NTRK2: variants seen among roughly 807,000 people sequenced by gnomAD.
The protein encoded by NTRK2 is neurotrophic receptor tyrosine kinase 2.
Under a neutral mutation model 94.5 loss-of-function variants are expected in NTRK2, and 13 were observed. That is an observed-to-expected ratio of 0.14 (90% CI 0.09 to 0.22). NTRK2 has a LOEUF of 0.22. NTRK2 is among the 10% of genes least tolerant of loss of function. NTRK2 has a pLI of 1.00. For missense variants in NTRK2, 639 were observed against 1,071.2 expected (o/e 0.60, Z 5.63); for synonymous variants, 372 against 407.4 (o/e 0.91, Z 1.05).
At chr9:84,811,345 C>G in intron 12 of NTRK2, 2 of 1,065,992 alleles carry the variant, frequency 1.9e-6, no homozygotes, top group Non-Finnish European at 2.3e-6. Context: ...AAAACAAGAA[C>G]AAGCAGCAAC....
At chr9:84,681,613 A>G (rs1342215200) in intron 2 of NTRK2, among the ~76,000 whole-genome samples, 1 of 152,126 alleles carries the variant, frequency 6.6e-6, no homozygotes. Context: ...TAAAAACAAT[A>G]TAATTCATGC....
Position 84,772,258 on chromosome 9 carries a change from A to AT in NTRK2, c.1396+20184dup, listed in dbSNP as rs534765823. ...CATTTACTTGTTCTCCCTATAAACAATTTTTTTTTTTGAGACAGAGTCTCA... is the reference window on the plus strand; with the variant it reads ...CATTTACTTGTTCTCCCTATAAACAATTTTTTTTTTTTGAGACAGAGTCTCA... On this transcript the variant is annotated intron_variant, in intron 12 of 18. Coordinates refer to ENST00000277120, the MANE Select transcript of NTRK2 (RefSeq NM_006180.6). Among the ~76,000 whole-genome samples, 777 of 149,244 alleles carry AT rather than the reference A, an allele frequency of 5.2e-3. 4 individuals carry two copies. Among genetic ancestry groups the AT allele is most frequent in the South Asian group, 0.015 (70 of 4,720 alleles).
At chr9:84,952,063 T>A (rs76436119) in intron 16 of NTRK2, among the ~76,000 whole-genome samples, 1 of 152,198 alleles carries the variant, frequency 6.6e-6, no homozygotes, top group Admixed American at 6.5e-5. Context: ...AAAAATAGAC[T>A]ACTATTTTTC....
At chr9:84,803,527 G>A (rs1158624856) in intron 12 of NTRK2, among the ~76,000 whole-genome samples, 1 of 152,136 alleles carries the variant, frequency 6.6e-6, no homozygotes, top group Admixed American at 6.5e-5. Flanking sequence ...GAGGCAATAA[G>A]GCAGCAGCAC....
chr9:84,813,077 T>C, intron 12 of NTRK2: 1 of 1,039,880 alleles, frequency 9.6e-7, no homozygotes, highest in Non-Finnish European at 1.2e-6. Flanking sequence ...TAGAGCTTCC[T>C]AATGCATGTG....
chr9:84,690,941 A>C lies in NTRK2; in HGVS notation c.213-11218A>C, dbSNP rs7041649. 5.4e-3 allele frequency among the ~76,000 whole-genome samples: 822 copies of C among 152,316 alleles called. 13 individuals carry two copies. Among genetic ancestry groups the C allele is most frequent in the African/African-American group, 0.019 (771 of 41,570 alleles). The stretch of plus-strand genomic sequence containing the variant: ...AATGAATGTTAAAAATGTCACAATC[A>C]GTTTTTCATCAGTATTTGAATAACT... On this transcript the variant is annotated intron_variant, in intron 2 of 18. Coordinates refer to ENST00000277120, the MANE Select transcript of NTRK2 (RefSeq NM_006180.6).
In NTRK2 at chr9:85,024,940, T is replaced by C. The variant is rs748338416; in HGVS notation, c.*3503T>C. ...GTTATAAATACTTGATTTATACATA[T>C]ACAAATGCACATACGTAGTGTGTTT... On this transcript the variant is annotated 3_prime_UTR_variant, in exon 19 of 19. Coordinates refer to ENST00000277120, the MANE Select transcript of NTRK2 (RefSeq NM_006180.6). 2.1e-5 allele frequency: 5 copies of C among 232,996 alleles called. No homozygotes were observed. Among genetic ancestry groups the C allele is most frequent in the Non-Finnish European group, 4.2e-5 (5 of 117,954 alleles). The allele number at this position is 232,996 out of a possible 1,614,324, so 14.4% of individuals were successfully genotyped here.
intron 12 of NTRK2, among the ~76,000 whole-genome samples, chr9:84,791,665 G>C (rs186987339): frequency 6.6e-6 from 1 of 152,156 alleles, no homozygotes. Flanking sequence ...TAGAAGTAAT[G>C]TTTTGTTATT....
intron 14 of NTRK2, among the ~76,000 whole-genome samples, chr9:84,868,514 G>A (rs2075699750): frequency 1.3e-5 from 2 of 152,212 alleles, no homozygotes; most frequent in East Asian, 3.8e-4. Flanking sequence ...AGTATTATGA[G>A]CTTTTAATGT....
chr9:84,806,547 C>T (rs1369310710), intron 12 of NTRK2, among the ~76,000 whole-genome samples: 1 of 152,112 alleles, frequency 6.6e-6, no homozygotes, highest in Non-Finnish European at 1.5e-5. Context: ...GATACCTTTG[C>T]CAAAGAGGGA....
intron 8 of NTRK2, among the ~76,000 whole-genome samples, chr9:84,725,978 T>G (rs1243446758): frequency 6.6e-6 from 1 of 152,146 alleles, no homozygotes; most frequent in Admixed American, 6.5e-5. Context: ...TTGGGTCCTT[T>G]TATCGGCTTT....
At chr9:84,800,713 A>G (rs1158525272) in intron 12 of NTRK2, among the ~76,000 whole-genome samples, 1 of 152,158 alleles carries the variant, frequency 6.6e-6, no homozygotes, top group Non-Finnish European at 1.5e-5. Context: ...ACAGAGTGAT[A>G]TCAGCAGCCA....
chr9:84,767,438 G>GAGC (rs763297659), intron 12 of NTRK2, among the ~76,000 whole-genome samples: 38 of 152,202 alleles, frequency 2.5e-4, no homozygotes, highest in Non-Finnish European at 4.3e-4. Context: ...AGAGAGAAAA[G>GAGC]AGCACTTGAT....
intron 17 of NTRK2, among the ~76,000 whole-genome samples, chr9:84,985,386 C>A (rs1828170753): frequency 6.6e-6 from 1 of 152,158 alleles, no homozygotes; most frequent in Admixed American, 6.5e-5. Flanking sequence ...ATAATATCTA[C>A]CCAAAAGTTC....
intron 12 of NTRK2, among the ~76,000 whole-genome samples, chr9:84,756,073 T>A (rs1196646630): frequency 6.6e-6 from 1 of 152,198 alleles, no homozygotes; most frequent in African/African-American, 2.4e-5. Context: ...ATATGTTTAA[T>A]ATGTATGAAT....
At chr9:84,709,997 G>A (rs1471365598) in intron 5 of NTRK2, among the ~76,000 whole-genome samples, 1 of 151,796 alleles carries the variant, frequency 6.6e-6, no homozygotes, top group African/African-American at 2.4e-5. Context: ...GTGTGTGTGT[G>A]TGTGTGTGAA....
chr9:84,672,962 A>T (rs2058793090), intron 2 of NTRK2, among the ~76,000 whole-genome samples: 1 of 152,196 alleles, frequency 6.6e-6, no homozygotes, highest in Non-Finnish European at 1.5e-5. Context: ...TGGCACTTCT[A>T]ATTTCTACTC....
At chr9:84,810,203 G>A (rs1473388412) in intron 12 of NTRK2, among the ~76,000 whole-genome samples, 1 of 152,140 alleles carries the variant, frequency 6.6e-6, no homozygotes, top group Admixed American at 6.5e-5. Context: ...CATTTGTATT[G>A]TACACAGATG....
At chr9:84,863,907 C>T (rs2075447723) in intron 13 of NTRK2, among the ~76,000 whole-genome samples, 1 of 152,188 alleles carries the variant, frequency 6.6e-6, no homozygotes, top group African/African-American at 2.4e-5. Context: ...TAATCCTCCC[C>T]TCGCTCCCCA....
Sources: allele counts gnomAD v4.1 joint callset (sites outside exome capture counted in the v4.1 genomes callset), GRCh38; gene constraint gnomAD v4.1.1; transcripts MANE v1.5; gene names NCBI Gene and HGNC (gene_info 2026-07-23, HGNC 2026-07-21).